EML5: variants seen among roughly 807,000 people sequenced by gnomAD.
The protein encoded by EML5 is echinoderm microtubule-associated protein-like 5.
A neutral mutation model predicts 250.0 loss-of-function variants in EML5; 120 were observed. The ratio of observed to expected loss-of-function variants is 0.48; its 90% CI spans 0.41 to 0.56. EML5 has a LOEUF of 0.56. Among genes scored for constraint, EML5 ranks in the 20% least tolerant of loss-of-function variants. The pLI is 0.00. For missense variants in EML5, 2,006 were observed against 2,437.6 expected, an observed-to-expected ratio of 0.82 and a Z score of 3.73; for synonymous variants, 771 against 806.5, an observed-to-expected ratio of 0.96 and a Z score of 0.75.
intron 7 of EML5, among the ~76,000 whole-genome samples, chr14:88,728,294 T>G (rs2093697918): frequency 6.6e-6 from 1 of 151,970 alleles, no homozygotes; most frequent in Admixed American, 6.6e-5. Flanking sequence ...AATCTAGAGA[T>G]TTAAAGTACA....
chr14:88,774,258 T>G (rs1302778509), intron 1 of EML5, among the ~76,000 whole-genome samples: 2 of 152,234 alleles, frequency 1.3e-5, no homozygotes, highest in Non-Finnish European at 2.9e-5. Flanking sequence ...TTCCAGGTGA[T>G]GCCGTTGCTA....
intron 15 of EML5, among the ~76,000 whole-genome samples, chr14:88,695,676 C>T (rs550964074): frequency 6.6e-6 from 1 of 151,976 alleles, no homozygotes; most frequent in Non-Finnish European, 1.5e-5. Context: ...CACCTGATCT[C>T]CTTTTCCCTT....
chr14:88,635,097 T>C (rs1456306841), intron 32 of EML5, among the ~76,000 whole-genome samples: 1 of 152,238 alleles, frequency 6.6e-6, no homozygotes, highest in Non-Finnish European at 1.5e-5. Flanking sequence ...ATGCTCATTA[T>C]ATTTGTGGTA....
intron 35 of EML5, 178 bp from the exon 36 acceptor site, chr14:88,625,305 G>T: frequency 4.9e-6 from 3 of 618,078 alleles, no homozygotes; most frequent in Non-Finnish European, 5.3e-6. Context: ...GCTTAGCTTT[G>T]TCAGGACCTT....
At chr14:88,777,973 T>A (rs2094462778) in intron 1 of EML5, among the ~76,000 whole-genome samples, 1 of 152,216 alleles carries the variant, frequency 6.6e-6, no homozygotes. Flanking sequence ...ACATCCTGTC[T>A]CAAAAAATAC....
At chr14:88,728,045 C>G (rs2093693678) in intron 7 of EML5, among the ~76,000 whole-genome samples, 1 of 152,250 alleles carries the variant, frequency 6.6e-6, no homozygotes, top group African/African-American at 2.4e-5. Flanking sequence ...TGAAATATAG[C>G]TGAAACAGTA....
In EML5 at chr14:88,792,555, G is replaced by A. The variant is rs981519720; in HGVS notation, c.-52C>T. The A allele has an allele frequency of 5.8e-6, 7 of 1,207,040 alleles. No individual in the cohort carries two copies. Among genetic ancestry groups the A allele is most frequent in the East Asian group, 3.5e-5 (1 of 28,592 alleles). The allele number at this position is 1,207,040 out of a possible 1,614,324, so 74.8% of individuals were successfully genotyped here. On this transcript the variant is annotated 5_prime_UTR_variant, in exon 1 of 44. Coordinates refer to ENST00000554922, the MANE Select transcript of EML5 (RefSeq NM_183387.3). This position sits in a 1 kb window ranked among gnomAD's most constrained non-coding sequence, Gnocchi z 6.9. ...CTCGGGCCCGCGGCGGCGACGGGAG[G>A]CGGCGGCGGCCCGGCAACGAAAGCC...
Position 88,614,810 on chromosome 14 carries a change from C to T in EML5, c.*1008G>A, listed in dbSNP as rs1567005630. ...AAGTTTTTACAAATGGAGTTGGGCT[C>T]ATTCATTTTGGAAATAAACCTATGG... On this transcript the variant is annotated 3_prime_UTR_variant, in exon 44 of 44. Transcript: ENST00000554922. The T allele has an allele frequency of 1.3e-5, 2 of 152,074 alleles. No individual in the cohort carries two copies. The highest frequency in any genetic ancestry group is 2.9e-5 in the Non-Finnish European group (2 of 67,998). 9.4% of individuals were successfully genotyped at this position (152,074 alleles called of 1,614,324 possible). A position where few individuals can be genotyped will look rare whatever the true frequency, so the allele number is the denominator to read the frequency against.
intron 1 of EML5, among the ~76,000 whole-genome samples, chr14:88,757,326 A>C (rs942191107): frequency 2.6e-5 from 4 of 152,216 alleles, no homozygotes; most frequent in Non-Finnish European, 5.9e-5. Flanking sequence ...ACAAATGTCA[A>C]CTCAAAATGG....
chr14:88,627,527 A>C, intron 34 of EML5, 119 bp downstream of exon 34: 1 of 962,532 alleles, frequency 1.0e-6, no homozygotes, highest in Non-Finnish European at 1.5e-6. Context: ...AGTATATTGC[A>C]TAGGCCTCCA....
chr14:88,792,774 C>A lies in EML5; in HGVS notation c.-271G>T. 9.7e-7 allele frequency: 1 copy of A among 1,029,992 alleles called. No homozygotes were observed. Among genetic ancestry groups the A allele is most frequent in the Non-Finnish European group, 1.2e-6 (1 of 858,500 alleles). 63.8% of individuals were successfully genotyped at this position (1,029,992 alleles called of 1,614,324 possible). ...CCAGAGCCCTTCGCCCGCCTCGGCT[C>A]GCCTAGTCTCCTCAGCCCGTAGCGC... On this transcript the variant is annotated 5_prime_UTR_variant, in exon 1 of 44. Coordinates refer to ENST00000554922, the MANE Select transcript of EML5 (RefSeq NM_183387.3). The surrounding 1 kb of genome is among the most constrained non-coding windows in gnomAD (Gnocchi z 6.9).
chr14:88,663,005 C>T (rs1402136496), intron 24 of EML5, 26 bp downstream of exon 24: 11 of 1,517,582 alleles, frequency 7.2e-6, no homozygotes, highest in Non-Finnish European at 9.8e-6. Flanking sequence ...ACATGAACAA[C>T]ACTGCAAGCA....
intron 10 of EML5, among the ~76,000 whole-genome samples, chr14:88,707,386 C>T (rs1360023076): frequency 6.6e-6 from 1 of 151,718 alleles, no homozygotes; most frequent in African/African-American, 2.4e-5. Flanking sequence ...CCTTAGCCTC[C>T]CAAAGTGTCA....
intron 1 of EML5, among the ~76,000 whole-genome samples, chr14:88,777,217 G>C (rs1229243822): frequency 2.0e-5 from 3 of 148,798 alleles, no homozygotes; most frequent in Non-Finnish European, 2.9e-5. Context: ...ACACACAACG[G>C]AGCTCCAATA....
intron 25 of EML5, among the ~76,000 whole-genome samples, chr14:88,659,231 T>C (rs2091982149): frequency 6.6e-6 from 1 of 151,010 alleles, no homozygotes; most frequent in Non-Finnish European, 1.5e-5. Context: ...TCCCTAGGAA[T>C]GACGACTCTC....
intron 32 of EML5, among the ~76,000 whole-genome samples, chr14:88,636,337 T>C (rs1220410784): frequency 1.3e-5 from 2 of 152,102 alleles, no homozygotes; most frequent in Non-Finnish European, 2.9e-5. Context: ...CCATGGAATG[T>C]AGTTGGAGGG....
chr14:88,792,757 C>A lies in EML5; in HGVS notation c.-254G>T. On this transcript the variant is annotated 5_prime_UTR_variant, in exon 1 of 44. In the 5' UTR this introduces an upstream ATG that the reference lacks. Transcript: ENST00000554922. The surrounding 1 kb of genome is among the most constrained non-coding windows in gnomAD (Gnocchi z 6.9). The stretch of plus-strand genomic sequence containing the variant: ...GGCTGTCAAGTGGATGCCCAGAGCC[C>A]TTCGCCCGCCTCGGCTCGCCTAGTC... 9.5e-7 allele frequency: 1 copy of A among 1,053,418 alleles called. No individual in the cohort carries two copies. The allele number at this position is 1,053,418 out of a possible 1,614,324, so 65.3% of individuals were successfully genotyped here. A position where few individuals can be genotyped will look rare whatever the true frequency, so the allele number is the denominator to read the frequency against.
intron 1 of EML5, among the ~76,000 whole-genome samples, chr14:88,769,966 GT>G (rs79797316): frequency 2.2e-3 from 302 of 139,592 alleles, no homozygotes; most frequent in Middle Eastern, 7.6e-3. Flanking sequence ...ATTATGTGCA[GT>G]TTTTTTTTTT....
chr14:88,722,859 A>C (rs1239379170), intron 8 of EML5, among the ~76,000 whole-genome samples: 1 of 152,216 alleles, frequency 6.6e-6, no homozygotes, highest in African/African-American at 2.4e-5. Context: ...ATGTTTACCT[A>C]CATAACAAAC....
Sources: allele counts gnomAD v4.1 joint callset (sites outside exome capture counted in the v4.1 genomes callset), GRCh38; gene constraint gnomAD v4.1.1; non-coding constraint Gnocchi (gnomAD v3.1); transcripts MANE v1.5; gene names NCBI Gene and HGNC (gene_info 2026-07-23, HGNC 2026-07-21).